DCDC1: variants seen among roughly 807,000 people sequenced by gnomAD.
DCDC1 encodes the protein doublecortin domain-containing protein 1.
A neutral mutation model predicts 178.3 loss-of-function variants in DCDC1; 200 were observed. The ratio of observed to expected loss-of-function variants is 1.12; its 90% CI spans 1.00 to 1.26. The LOEUF (loss-of-function observed/expected upper bound fraction) is 1.26, where lower values mean the gene tolerates loss of function less well. DCDC1 is among the 50% of genes most tolerant of loss of function. DCDC1 has a pLI of 0.00. For synonymous variants in DCDC1, 690 were observed against 604.8 expected (o/e 1.14, Z -2.07); for missense variants, 1,983 against 1,749.2 (o/e 1.13, Z -2.38).
intron 6 of DCDC1, among the ~76,000 whole-genome samples, chr11:31,294,349 AGGCAGT>A (rs1947446930): frequency 1.3e-5 from 2 of 151,644 alleles, no homozygotes; most frequent in Non-Finnish European, 2.9e-5. Context: ...CGGGTGGCCG[AGGCAGT>A]TGGATCACCC....
At chr11:30,883,021 T>C (rs935898403) in intron 36 of DCDC1, 1 of 152,426 alleles carries the variant, frequency 6.6e-6, no homozygotes, top group African/African-American at 2.4e-5. Context: ...TAAAACATAT[T>C]GACACATTTC....
chr11:31,026,816 A>T (rs1018530013), intron 20 of DCDC1, among the ~76,000 whole-genome samples: 3 of 151,818 alleles, frequency 2.0e-5, no homozygotes, highest in African/African-American at 7.2e-5. Context: ...TTTTTGATGG[A>T]AAAAATATTA....
At chr11:31,058,207 G>T (rs1199777323) in intron 20 of DCDC1, among the ~76,000 whole-genome samples, 1 of 152,114 alleles carries the variant, frequency 6.6e-6, no homozygotes, top group African/African-American at 2.4e-5. Context: ...TAGTTGGCTG[G>T]CAGACAGGAT....
At chr11:30,910,836 G>C (rs1319848278) in intron 28 of DCDC1, among the ~76,000 whole-genome samples, 1 of 152,184 alleles carries the variant, frequency 6.6e-6, no homozygotes, top group Non-Finnish European at 1.5e-5. Context: ...TGAATGAAAA[G>C]AGAATTTCAA....
chr11:30,882,852 G>T (rs539023523), intron 36 of DCDC1: 20 of 152,268 alleles, frequency 1.3e-4, no homozygotes, highest in African/African-American at 4.6e-4. Context: ...ATTTTCAAAA[G>T]TATCTGTGTT....
Position 30,888,137 on chromosome 11 carries a change from AGAAAGAAAGAAAGAAAGAAAGAAAGG to A in DCDC1, c.5082+4655_5082+4680del, listed in dbSNP as rs1489265881. On this transcript the variant is annotated intron_variant, in intron 36 of 38. Coordinates refer to ENST00000684477, the MANE Select transcript of DCDC1 (RefSeq NM_001387274.1). ...AAGAAAGAAAGAAAGAAAGAAAGAA[AGAAAGAAAGAAAGAAAGAAAGAAAGG>A]GAAAGAAAGAAAGAGAAAGGAAGGA... Among the ~76,000 whole-genome samples the A allele has an allele frequency of 2.1e-3, 315 of 147,574 alleles. 1 individual carries two copies. The highest frequency in any genetic ancestry group is 7.7e-3 in the African/African-American group (295 of 38,272).
chr11:30,864,498 GA>G lies in DCDC1; in HGVS notation c.*874del, dbSNP rs1180919827. On this transcript the variant is annotated 3_prime_UTR_variant, in exon 39 of 39. Coordinates refer to ENST00000684477, the MANE Select transcript of DCDC1 (RefSeq NM_001387274.1). ...GATTGTAGTTTCTGAGCAGCTGACT[GA>G]AAGGAAATTCTATAAAGCAGATCCT... 1.3e-5 allele frequency: 2 copies of G among 152,230 alleles called. No individual in the cohort carries two copies. Among genetic ancestry groups the G allele is most frequent in the African/African-American group, 4.8e-5 (2 of 41,458 alleles). The allele number at this position is 152,230 out of a possible 1,614,324, so 9.4% of individuals were successfully genotyped here.
chr11:30,962,660 G>A (rs1949173300), intron 20 of DCDC1, among the ~76,000 whole-genome samples: 1 of 151,940 alleles, frequency 6.6e-6, no homozygotes, highest in African/African-American at 2.4e-5. Flanking sequence ...TATATATTTA[G>A]TCTAGAAAAA....
At chr11:31,077,302 T>C (rs1956922611) in intron 18 of DCDC1, among the ~76,000 whole-genome samples, 1 of 152,176 alleles carries the variant, frequency 6.6e-6, no homozygotes. Context: ...TGTGTGGGTC[T>C]TTAGAAAAAC....
intron 17 of DCDC1, among the ~76,000 whole-genome samples, chr11:31,079,307 C>G (rs1204461309): frequency 6.6e-6 from 1 of 152,174 alleles, no homozygotes; most frequent in Non-Finnish European, 1.5e-5. Flanking sequence ...CATCCCAACT[C>G]CACAGGAACA....
In DCDC1 at chr11:31,182,770, C is replaced by T. The variant is rs577695030; in HGVS notation, c.1222-44986G>A. Among the ~76,000 whole-genome samples the T allele has an allele frequency of 2.9e-4, 44 of 152,094 alleles. 1 individual carries two copies. The highest frequency in any genetic ancestry group is 9.4e-4 in the African/African-American group (39 of 41,468). On this transcript the variant is annotated intron_variant, in intron 9 of 38. Transcript: ENST00000684477. ...TAAGAATATTAACCTTAAATGTAAA[C>T]GGGCTAAATGCCACAAATAAAAGAC...
intron 8 of DCDC1, among the ~76,000 whole-genome samples, chr11:31,248,423 T>TA (rs1943731580): frequency 1.3e-5 from 2 of 152,066 alleles, no homozygotes; most frequent in African/African-American, 4.8e-5. Context: ...ATTCCACTGT[T>TA]ACATTGTACA....
At chr11:31,003,087 A>AATATATAT (rs58682579) in intron 20 of DCDC1, among the ~76,000 whole-genome samples, 7 of 147,138 alleles carry the variant, frequency 4.8e-5, no homozygotes, top group South Asian at 4.3e-4. Context: ...CATATCTTTA[A>AATATATAT]ATATATATAT....
At chr11:31,306,562 CTCACTATT>C (rs1948476003) in intron 4 of DCDC1, among the ~76,000 whole-genome samples, 174 bp from the exon 5 acceptor site, 1 of 151,902 alleles carries the variant, frequency 6.6e-6, no homozygotes, top group Admixed American at 6.6e-5. Flanking sequence ...GAGTAACACT[CTCACTATT>C]TAAATATTCA....
chr11:31,020,090 C>G (rs773790890), intron 20 of DCDC1, among the ~76,000 whole-genome samples: 3 of 152,134 alleles, frequency 2.0e-5, no homozygotes, highest in Non-Finnish European at 4.4e-5. Flanking sequence ...GGATGTGGAC[C>G]AGGTTGCTGT....
chr11:31,256,271 C>A (rs1441503660), intron 8 of DCDC1, among the ~76,000 whole-genome samples: 1 of 152,124 alleles, frequency 6.6e-6, no homozygotes, highest in Non-Finnish European at 1.5e-5. Flanking sequence ...GAGTTCACTG[C>A]AAGTAGTTTG....
chr11:31,028,383 A>G (rs1427252134), intron 20 of DCDC1, among the ~76,000 whole-genome samples: 1 of 152,076 alleles, frequency 6.6e-6, no homozygotes, highest in African/African-American at 2.4e-5. Context: ...GTTCAGAGTC[A>G]TATTTGTCAG....
intron 21 of DCDC1, among the ~76,000 whole-genome samples, chr11:30,947,313 T>C (rs1207168406): frequency 6.6e-6 from 1 of 152,146 alleles, no homozygotes; most frequent in African/African-American, 2.4e-5. Flanking sequence ...TGACTTGAAA[T>C]TGTACTACAA....
intron 20 of DCDC1, among the ~76,000 whole-genome samples, chr11:30,959,305 G>A (rs1948952158): frequency 1.3e-5 from 2 of 152,144 alleles, no homozygotes; most frequent in Non-Finnish European, 2.9e-5. Flanking sequence ...AGAGGTGCAA[G>A]TGGATCTGAA....
Sources: allele counts gnomAD v4.1 joint callset (sites outside exome capture counted in the v4.1 genomes callset), GRCh38; gene constraint gnomAD v4.1.1; transcripts MANE v1.5; gene names NCBI Gene and HGNC (gene_info 2026-07-23, HGNC 2026-07-21).